The following ZNF334 variants were observed in gnomAD, a reference collection of about 807,000 sequenced individuals.
ZNF334 encodes zinc finger protein 334.
ZNF334 carries 14 observed loss-of-function variants against 12.4 expected under a neutral mutation model. The ratio of observed to expected loss-of-function variants is 1.13; its 90% CI spans 0.74 to 1.76. ZNF334 has a LOEUF of 1.76. ZNF334 is among the 40% of genes most tolerant of loss of function. ZNF334 has a pLI of 0.00. For synonymous variants in ZNF334, 273 were observed against 269.6 expected (o/e 1.01, Z -0.12); for missense variants, 797 against 804.5 (o/e 0.99, Z 0.11).
the ZNF334 span, among the ~76,000 whole-genome samples, chr20:46,473,596 C>T: frequency 1.3e-5 from 2 of 152,188 alleles, no homozygotes; most frequent in Non-Finnish European, 2.9e-5. Flanking sequence ...ATTTATTCTT[C>T]ATCCCCTCCT....
chr20:46,504,085 A>C (rs1483225406), intron 4 of ZNF334, 129 bp downstream of exon 4: 7 of 502,000 alleles, frequency 1.4e-5, no homozygotes, highest in Non-Finnish European at 2.1e-5. Context: ...AATCAACCTC[A>C]ATCACTTCTA....
chr20:46,484,218 C>G, the ZNF334 span, among the ~76,000 whole-genome samples: 2 of 152,124 alleles, frequency 1.3e-5, no homozygotes, highest in African/African-American at 4.8e-5. Flanking sequence ...CTGACTCAGC[C>G]AAGCATGAAC....
the ZNF334 span, among the ~76,000 whole-genome samples, chr20:46,486,557 A>C: frequency 6.6e-6 from 1 of 152,108 alleles, no homozygotes; most frequent in African/African-American, 2.4e-5. Context: ...TTATATCTAC[A>C]TGTCTTTTTA....
chr20:46,467,281 A>G, the ZNF334 span, among the ~76,000 whole-genome samples: 1 of 152,216 alleles, frequency 6.6e-6, no homozygotes, highest in African/African-American at 2.4e-5. Flanking sequence ...CCACACAAAA[A>G]TAAGGCATTT....
chr20:46,472,344 A>G, the ZNF334 span, among the ~76,000 whole-genome samples: 260 of 152,364 alleles, frequency 1.7e-3, no homozygotes, highest in African/African-American at 5.7e-3. Context: ...CAGATAATAA[A>G]CCATATCAAT....
At chr20:46,472,058 A>C in the ZNF334 span, among the ~76,000 whole-genome samples, 1 of 152,226 alleles carries the variant, frequency 6.6e-6, no homozygotes, top group African/African-American at 2.4e-5. Flanking sequence ...TGGACATAGT[A>C]ATCACTACAT....
chr20:46,485,940 A>G, the ZNF334 span, among the ~76,000 whole-genome samples: 1 of 152,060 alleles, frequency 6.6e-6, no homozygotes, highest in Non-Finnish European at 1.5e-5. Context: ...TTTTTTATGC[A>G]CCTCTGAACA....
At chr20:46,487,764 C>T in the ZNF334 span, among the ~76,000 whole-genome samples, 1 of 152,200 alleles carries the variant, frequency 6.6e-6, no homozygotes, top group Non-Finnish European at 1.5e-5. Context: ...ATTTTCCTAA[C>T]GTCTACTTTC....
chr20:46,488,417 T>TTTTATTTA, the ZNF334 span, among the ~76,000 whole-genome samples: 34 of 97,948 alleles, frequency 3.5e-4, no homozygotes, highest in Non-Finnish European at 5.9e-4. Flanking sequence ...GTAGCTCTTA[T>TTTTATTTA]TTTATATATA....
the ZNF334 span, chr20:46,464,493 C>T: frequency 5.9e-6 from 3 of 504,916 alleles, no homozygotes; most frequent in Non-Finnish European, 4.0e-6. Context: ...CACATCGTAT[C>T]CTTGCTGCAC....
At chr20:46,496,044 G>A (rs1030299346), downstream of ZNF334, among the ~76,000 whole-genome samples, 2 of 152,148 alleles carry the variant, frequency 1.3e-5, no homozygotes, top group African/African-American at 2.4e-5. Context: ...GCCACTTCAG[G>A]TCTAGGAATT....
rs2061138050 is a variant in ZNF334, at chr20:46,501,014, A to G, written c.*282T>C. ...GGAACCAAGTAACAATTTAACTTAA[A>G]CAATGTTTGTTTCATTATTTTAAAA... On this transcript the variant is annotated 3_prime_UTR_variant, in exon 5 of 5. Coordinates refer to ENST00000692313, the MANE Select transcript of ZNF334 (RefSeq NM_001353824.2). 8.6e-6 allele frequency: 3 copies of G among 349,164 alleles called. No individual in the cohort carries two copies. In the Admixed American group the frequency reaches 1.3e-4, roughly 15 times the overall value. 21.6% of individuals were successfully genotyped at this position (349,164 alleles called of 1,614,324 possible). A position where few individuals can be genotyped will look rare whatever the true frequency, so the allele number is the denominator to read the frequency against.
chr20:46,478,618 A>C, the ZNF334 span, among the ~76,000 whole-genome samples: 1 of 152,238 alleles, frequency 6.6e-6, no homozygotes, highest in African/African-American at 2.4e-5. Context: ...CCCACTTCCC[A>C]TCATGGCCTG....
the ZNF334 span, chr20:46,464,814 C>T: frequency 3.7e-6 from 2 of 537,372 alleles, no homozygotes; most frequent in South Asian, 1.4e-5. Flanking sequence ...TCCTCTGAAC[C>T]CACTCCTACA....
At chr20:46,475,964 T>G in the ZNF334 span, among the ~76,000 whole-genome samples, 1 of 152,202 alleles carries the variant, frequency 6.6e-6, no homozygotes. Flanking sequence ...ACCTATACAC[T>G]AATTTTCATA....
the ZNF334 span, among the ~76,000 whole-genome samples, chr20:46,472,895 T>C: frequency 6.6e-6 from 1 of 152,190 alleles, no homozygotes; most frequent in Non-Finnish European, 1.5e-5. Flanking sequence ...AGAGGTCAAA[T>C]TCTTAATATA....
the ZNF334 span, among the ~76,000 whole-genome samples, chr20:46,471,644 A>AT: frequency 0.1 from 15,515 of 152,092 alleles, 991 homozygotes; most frequent in African/African-American, 0.19. Flanking sequence ...TGAAAGGTAG[A>AT]TTTCTTTCTT....
chr20:46,468,717 C>T, the ZNF334 span, among the ~76,000 whole-genome samples: 1 of 152,122 alleles, frequency 6.6e-6, no homozygotes, highest in African/African-American at 2.4e-5. Flanking sequence ...GCCATGGCAA[C>T]GGTAAACTGA....
the ZNF334 span, among the ~76,000 whole-genome samples, chr20:46,488,810 T>TG: frequency 1.3e-5 from 2 of 151,906 alleles, no homozygotes; most frequent in Admixed American, 6.5e-5. Context: ...AATAGTTTTT[T>TG]TTTTTTTTTT....
Sources: gnomAD v4.1 joint callset for allele counts (sites outside exome capture counted in the v4.1 genomes callset) on GRCh38, gnomAD v4.1.1 for gene constraint, MANE v1.5 for transcripts, NCBI Gene and HGNC (gene_info 2026-07-23, HGNC 2026-07-21) for gene names.